The following ZNF519 variants were observed in gnomAD, a reference collection of about 807,000 sequenced individuals.
ZNF519 encodes the protein similar to Zinc finger protein 85 (Zinc finger protein HPF4) (HTF1).
A neutral mutation model predicts 7.4 loss-of-function variants in ZNF519; 7 were observed. That is an observed-to-expected ratio of 0.94 (90% confidence interval 0.54 to 1.77). The LOEUF (loss-of-function observed/expected upper bound fraction) is 1.77, where lower values mean the gene tolerates loss of function less well. Ranked by LOEUF, ZNF519 falls within the 40% of genes most tolerant of loss-of-function variation. ZNF519 has a pLI of 0.00. For missense variants in ZNF519, 586 were observed against 623.1 expected (o/e 0.94, Z 0.63); for synonymous variants, 179 against 203.3 (o/e 0.88, Z 1.02).
intron 2 of ZNF519, among the ~76,000 whole-genome samples, chr18:14,116,804 C>T (rs62086327): frequency 2.5e-3 from 379 of 152,222 alleles, no homozygotes; most frequent in Non-Finnish European, 3.9e-3. Context: ...GTCAGGAGTT[C>T]AAAACCAGCC....
At chr18:14,112,881 A>C (rs939093091) in intron 2 of ZNF519, among the ~76,000 whole-genome samples, 1 of 152,190 alleles carries the variant, frequency 6.6e-6, no homozygotes, top group African/African-American at 2.4e-5. Context: ...CTATCAAAAC[A>C]TCAATGATAT....
At chr18:14,087,842 A>G (rs988034356) in intron 2 of ZNF519, among the ~76,000 whole-genome samples, 2 of 152,244 alleles carry the variant, frequency 1.3e-5, no homozygotes, top group Non-Finnish European at 2.9e-5. Context: ...TATTTTGTAC[A>G]TTAAAGTAAA....
chr18:14,073,219 T>C (rs973775124), downstream of ZNF519: 1 of 151,766 alleles, frequency 6.6e-6, no homozygotes. Flanking sequence ...TGAAGAAAAG[T>C]TTGCATGGAA....
intron 2 of ZNF519, among the ~76,000 whole-genome samples, chr18:14,109,641 G>T (rs2046211118): frequency 6.6e-6 from 1 of 152,044 alleles, no homozygotes; most frequent in African/African-American, 2.4e-5. Context: ...ATTAATAAAT[G>T]AATTGAAATA....
chr18:14,109,802 A>G (rs1390957242), intron 2 of ZNF519, among the ~76,000 whole-genome samples: 1 of 152,156 alleles, frequency 6.6e-6, no homozygotes, highest in Non-Finnish European at 1.5e-5. Context: ...AAATACCATC[A>G]GTATTCTTCA....
chr18:14,081,558 G>A (rs934422598), intron 3 of ZNF519, among the ~76,000 whole-genome samples: 1 of 152,162 alleles, frequency 6.6e-6, no homozygotes, highest in Non-Finnish European at 1.5e-5. Flanking sequence ...GTGCAAGGCT[G>A]TGATGTTCTG....
Position 14,101,892 on chromosome 18 carries a change from C to T in ZNF519, c.*3025G>A, listed in dbSNP as rs979295994. 15 of 396,244 alleles carry T rather than the reference C, an allele frequency of 3.8e-5. No individual in the cohort carries two copies. The highest frequency in any genetic ancestry group is 6.2e-5 in the African/African-American group (3 of 48,568). The allele number at this position is 396,244 out of a possible 1,614,324, so 24.5% of individuals were successfully genotyped here. ...AGGCACAGACCAGAGTCTACATAAA[C>T]CTCCTGCCCTCTACTTTTTCTCCTA... On this transcript the variant is annotated 3_prime_UTR_variant, in exon 3 of 3. Transcript: ENST00000590202.
downstream of ZNF519, among the ~76,000 whole-genome samples, chr18:14,095,669 C>T (rs1420876158): frequency 3.3e-5 from 5 of 152,194 alleles, no homozygotes; most frequent in East Asian, 9.6e-4. Flanking sequence ...TGGGCATTGG[C>T]CTGGGGTCAC....
chr18:14,121,776 T>C (rs2046270825), intron 2 of ZNF519: 1 of 152,186 alleles, frequency 6.6e-6, no homozygotes, highest in South Asian at 2.1e-4. Context: ...TTTATACATA[T>C]AGATATATCT....
intron 2 of ZNF519, 64 bp downstream of exon 2, chr18:14,124,286 C>T (rs2046285150): frequency 6.7e-7 from 1 of 1,483,264 alleles, no homozygotes; most frequent in South Asian, 1.4e-5. Flanking sequence ...AAGAGACAGT[C>T]TACAAAGAAA....
intron 2 of ZNF519, among the ~76,000 whole-genome samples, chr18:14,107,422 T>C (rs575013690): frequency 1.3e-5 from 2 of 152,150 alleles, no homozygotes; most frequent in Non-Finnish European, 2.9e-5. Context: ...CCTGGAATAA[T>C]CTGCAGTGAT....
downstream of ZNF519, among the ~76,000 whole-genome samples, chr18:14,096,260 G>A (rs900716379): frequency 6.6e-6 from 1 of 152,206 alleles, no homozygotes; most frequent in Admixed American, 6.5e-5. Context: ...CACAGGCAAT[G>A]TGACTCTGCC....
At chr18:14,088,028 T>C (rs2046098847) in intron 2 of ZNF519, among the ~76,000 whole-genome samples, 1 of 152,100 alleles carries the variant, frequency 6.6e-6, no homozygotes, top group Non-Finnish European at 1.5e-5. Flanking sequence ...CATCACCAAT[T>C]AGATGTCAGT....
intron 1 of ZNF519, among the ~76,000 whole-genome samples, chr18:14,131,870 A>G (rs1282885471): frequency 6.6e-6 from 1 of 152,176 alleles, no homozygotes; most frequent in Non-Finnish European, 1.5e-5. Flanking sequence ...GCGCTGTCCC[A>G]TTAATTAATC....
At chr18:14,130,210 C>T (rs149062488) in intron 1 of ZNF519, among the ~76,000 whole-genome samples, 1 of 146,962 alleles carries the variant, frequency 6.8e-6, no homozygotes, top group Non-Finnish European at 1.5e-5. Context: ...AAAAAAAAAG[C>T]CTATTTGTTC....
intron 2 of ZNF519, among the ~76,000 whole-genome samples, chr18:14,116,056 G>T (rs1484083258): frequency 6.6e-6 from 1 of 152,218 alleles, no homozygotes; most frequent in East Asian, 1.9e-4. Context: ...TTTCACCAAG[G>T]TATTAAGCCT....
chr18:14,073,510 A>T (rs1447550398), downstream of ZNF519: 1 of 152,156 alleles, frequency 6.6e-6, no homozygotes, highest in Non-Finnish European at 1.5e-5. Context: ...ACCTCAGGTG[A>T]TCTGCCTGCC....
intron 3 of ZNF519, among the ~76,000 whole-genome samples, chr18:14,084,608 T>C (rs942301536): frequency 3.9e-5 from 6 of 152,046 alleles, no homozygotes; most frequent in Non-Finnish European, 7.4e-5. Context: ...AGCTTTTCCC[T>C]TCTCCTGGTC....
intron 3 of ZNF519, among the ~76,000 whole-genome samples, chr18:14,080,601 T>C (rs537418763): frequency 6.6e-6 from 1 of 152,286 alleles, no homozygotes; most frequent in East Asian, 1.9e-4. Context: ...ATTACAGGCA[T>C]AAGCCACCGT....
Sources: gnomAD v4.1 joint callset for allele counts (sites outside exome capture counted in the v4.1 genomes callset) on GRCh38, gnomAD v4.1.1 for gene constraint, MANE v1.5 for transcripts, NCBI Gene and HGNC (gene_info 2026-07-23, HGNC 2026-07-21) for gene names.